Variants in SCUBE2 observed in about 807,000 individuals in gnomAD.
The protein encoded by SCUBE2 is signal peptide, CUB and EGF-like domain-containing protein 2.
SCUBE2 carries 114 observed loss-of-function variants against 125.9 expected under a neutral mutation model. The ratio of observed to expected loss-of-function variants is 0.91; its 90% CI spans 0.78 to 1.06. The LOEUF (loss-of-function observed/expected upper bound fraction) is 1.06, where lower values mean the gene tolerates loss of function less well. Among genes scored for constraint, SCUBE2 ranks in the 50% least tolerant of loss-of-function variants. The pLI, the probability that SCUBE2 is intolerant of heterozygous loss-of-function variation, is 0.00. For missense variants in SCUBE2, 1,255 were observed against 1,301.8 expected (o/e 0.96, Z 0.55); for synonymous variants, 459 against 492.9 (o/e 0.93, Z 0.91).
chr11:9,066,571 C>G (rs1233364019), intron 6 of SCUBE2, 126 bp downstream of exon 6: 32 of 764,022 alleles, frequency 4.2e-5, no homozygotes, highest in Non-Finnish European at 6.7e-5. Flanking sequence ...CGAAGCAGCA[C>G]AGGGCCTGCT....
Position 9,066,762 on chromosome 11 carries a change from G to GCTGTA in SCUBE2, c.690_694dup (p.Ala232ValfsTer33). ...ATGGCAGCTGCACTCTGGGCCATCG[G>GCTGTA]CTGTATCGTCACAGGAGTGCTGGCA... On this transcript the variant is annotated frameshift_variant, in exon 6 of 23. Transcript: ENST00000649792. LOFTEE classifies it high-confidence loss of function. 1 of 1,614,154 alleles carries GCTGTA rather than the reference G, an allele frequency of 6.2e-7. No homozygotes were observed. Among genetic ancestry groups the GCTGTA allele is most frequent in the Admixed American group, 1.7e-5 (1 of 60,018 alleles).
intron 4 of SCUBE2, among the ~76,000 whole-genome samples, chr11:9,071,944 C>T (rs1003235105): frequency 6.6e-6 from 1 of 152,128 alleles, no homozygotes; most frequent in Non-Finnish European, 1.5e-5. Flanking sequence ...ATGTGCTTCT[C>T]TCCAGCCTAC....
intron 4 of SCUBE2, among the ~76,000 whole-genome samples, chr11:9,070,655 A>G (rs766075454): frequency 6.6e-6 from 1 of 152,130 alleles, no homozygotes; most frequent in East Asian, 1.9e-4. Flanking sequence ...CTAGAATCCA[A>G]CACCCTTCTA....
rs1213538495 is a variant in SCUBE2 at position 9,047,572 on chromosome 11, CAA to C, written c.1796-12_1796-11del. 6.2e-7 allele frequency: 1 copy of C among 1,613,352 alleles called. No homozygotes were observed. Among genetic ancestry groups the C allele is most frequent in the African/African-American group, 1.3e-5 (1 of 74,870 alleles). On this transcript the variant is annotated splice_polypyrimidine_tract_variant and intron_variant, in intron 15 of 22. Transcript: ENST00000649792. ...CTCAGGTCACAAGAAGCTACAGAAACAAGAGGGACAGCAGTGCGGGAGGAGAT... is the reference window on the plus strand; with the variant it reads ...CTCAGGTCACAAGAAGCTACAGAAACGAGGGACAGCAGTGCGGGAGGAGAT...
chr11:9,023,503 A>C (rs1430413707), intron 21 of SCUBE2, among the ~76,000 whole-genome samples: 4 of 152,214 alleles, frequency 2.6e-5, no homozygotes, highest in African/African-American at 7.2e-5. Flanking sequence ...GTTCTGGTGT[A>C]ATAGAAAACT....
intron 7 of SCUBE2, among the ~76,000 whole-genome samples, chr11:9,062,865 A>T (rs1296394996): frequency 2.6e-5 from 4 of 151,914 alleles, no homozygotes; most frequent in African/African-American, 9.7e-5. Context: ...AAAAAAAAAA[A>T]ATTAGGGGGT....
At chr11:9,055,013 C>T (rs758305310) in intron 10 of SCUBE2, among the ~76,000 whole-genome samples, 2 of 151,888 alleles carry the variant, frequency 1.3e-5, no homozygotes, top group Non-Finnish European at 2.9e-5. Flanking sequence ...GGATTAGAGC[C>T]GTAAGCCACC....
intron 2 of SCUBE2, among the ~76,000 whole-genome samples, chr11:9,082,527 G>A (rs747322493): frequency 2.0e-5 from 3 of 152,088 alleles, no homozygotes; most frequent in Admixed American, 1.3e-4. Flanking sequence ...TCATGCAAGT[G>A]TTCACAGCAA....
intron 19 of SCUBE2, among the ~76,000 whole-genome samples, chr11:9,029,106 G>A (rs1856044124): frequency 6.6e-6 from 1 of 152,044 alleles, no homozygotes; most frequent in South Asian, 2.1e-4. Flanking sequence ...AGATTAGCTG[G>A]GATTTACTTT....
chr11:9,088,842 C>T (rs577703146), intron 2 of SCUBE2, among the ~76,000 whole-genome samples: 51 of 152,250 alleles, frequency 3.3e-4, no homozygotes, highest in African/African-American at 1.1e-3. Flanking sequence ...ATATGAGAAA[C>T]GTGGGGTTGG....
intron 16 of SCUBE2, among the ~76,000 whole-genome samples, chr11:9,043,521 A>C (rs1356997497): frequency 1.3e-5 from 2 of 152,026 alleles, no homozygotes; most frequent in Non-Finnish European, 2.9e-5. Context: ...GGTCACTTGG[A>C]GAGCAGGCTG....
At chr11:9,025,444 G>T (rs770453013) in intron 21 of SCUBE2, 5 of 374,200 alleles carry the variant, frequency 1.3e-5, no homozygotes, top group African/African-American at 2.1e-5. Flanking sequence ...AGGCTAATCA[G>T]TCTGACTCCA....
At chr11:9,087,524 GAA>G (rs1491183959) in intron 2 of SCUBE2, among the ~76,000 whole-genome samples, 2 of 152,042 alleles carry the variant, frequency 1.3e-5, no homozygotes, top group African/African-American at 4.8e-5. Flanking sequence ...GGGGAGGGGG[GAA>G]GAGAGAGAGA....
At chr11:9,042,397 C>G (rs977848070) in intron 16 of SCUBE2, among the ~76,000 whole-genome samples, 8 of 152,024 alleles carry the variant, frequency 5.3e-5, no homozygotes, top group African/African-American at 1.7e-4. Flanking sequence ...TTCTGTCCCT[C>G]CCTGCCTCCA....
intron 11 of SCUBE2, 137 bp from the exon 12 acceptor site, chr11:9,053,352 C>T (rs1858634687): frequency 3.9e-6 from 3 of 778,742 alleles, no homozygotes; most frequent in Admixed American, 2.8e-5. Context: ...AGATGCTAGG[C>T]CTTATTCCCA....
At chr11:9,058,133 C>CTT (rs1005201249) in intron 9 of SCUBE2, among the ~76,000 whole-genome samples, 2 of 152,166 alleles carry the variant, frequency 1.3e-5, no homozygotes, top group African/African-American at 4.8e-5. Flanking sequence ...CCCTCTCTGC[C>CTT]TTCCCTCTCT....
chr11:9,079,663 T>C (rs11042173), intron 2 of SCUBE2, among the ~76,000 whole-genome samples, 154 bp from the exon 3 acceptor site: 16,319 of 152,174 alleles, frequency 0.11, 2,832 homozygotes, highest in African/African-American at 0.36. Flanking sequence ...TTCACTGCAG[T>C]GTTGTTTCTA....
rs1174774188 is a variant in SCUBE2, at chr11:9,054,725, ATTTTTTTTTTTT to A, written c.1208-978_1208-967del. On this transcript the variant is annotated intron_variant, in intron 10 of 22. Coordinates refer to ENST00000649792, the MANE Select transcript of SCUBE2 (RefSeq NM_001367977.2). ...TGTATATATATATATATATATATATATTTTTTTTTTTTTTTTTTTTTTTTTTTCAGGTGGAGT... is the reference window on the plus strand; with the variant it reads ...TGTATATATATATATATATATATATATTTTTTTTTTTTTTTCAGGTGGAGT... 9.4e-4 allele frequency among the ~76,000 whole-genome samples: 21 copies of A among 22,340 alleles called. 1 individual carries two copies. Among genetic ancestry groups the A allele is most frequent in the African/African-American group, 8.5e-4 (4 of 4,688 alleles). The allele number at this position is 22,340 out of a possible 152,430, so 14.7% of individuals were successfully genotyped here.
chr11:9,078,966 A>G (rs1378820214), intron 3 of SCUBE2, among the ~76,000 whole-genome samples: 2 of 152,124 alleles, frequency 1.3e-5, no homozygotes, highest in African/African-American at 4.8e-5. Flanking sequence ...CTTTTTCAAG[A>G]AAAAAAGGGG....
Sources: allele counts gnomAD v4.1 joint callset (sites outside exome capture counted in the v4.1 genomes callset), GRCh38; gene constraint gnomAD v4.1.1; transcripts MANE v1.5; gene names NCBI Gene and HGNC (gene_info 2026-07-23, HGNC 2026-07-21).